The following RYK variants were observed in gnomAD, a reference collection of about 807,000 sequenced individuals.
The protein encoded by RYK is receptor like tyrosine kinase.
Under a neutral mutation model 70.2 loss-of-function variants are expected in RYK, and 21 were observed. The ratio of observed to expected loss-of-function variants is 0.30; its 90% confidence interval spans 0.21 to 0.43. The LOEUF is 0.43. RYK is among the 20% of genes least tolerant of loss of function. The pLI, the probability that RYK is intolerant of heterozygous loss-of-function variation, is 1.00. For missense variants in RYK, 604 were observed against 753.3 expected (o/e 0.80, Z 2.32); for synonymous variants, 267 against 278.0 (o/e 0.96, Z 0.39).
intron 2 of RYK, among the ~76,000 whole-genome samples, chr3:134,221,901 C>G (rs929032061): frequency 6.6e-6 from 1 of 152,142 alleles, no homozygotes; most frequent in Admixed American, 6.5e-5. Flanking sequence ...ACAAGTAGCC[C>G]AGGCAAGAGA....
chr3:134,217,624 G>T (rs7634265), intron 2 of RYK, among the ~76,000 whole-genome samples: 111,434 of 152,094 alleles, frequency 0.73, 41,363 homozygotes, highest in East Asian at 0.99. Flanking sequence ...CAGAAAAGTA[G>T]GTGGTATGTT....
intron 7 of RYK, among the ~76,000 whole-genome samples, chr3:134,192,436 A>G (rs985279908): frequency 3.3e-5 from 5 of 152,048 alleles, no homozygotes; most frequent in African/African-American, 9.7e-5. Context: ...TTTTGTTTGA[A>G]CAAACAAAAA....
chr3:134,192,364 C>T (rs967032581), intron 7 of RYK, among the ~76,000 whole-genome samples: 2 of 151,998 alleles, frequency 1.3e-5, no homozygotes, highest in Admixed American at 1.3e-4. Flanking sequence ...AACACACCAA[C>T]TTTTCAAATG....
intron 1 of RYK, among the ~76,000 whole-genome samples, chr3:134,243,773 A>T (rs1194266229): frequency 1.3e-5 from 2 of 152,124 alleles, no homozygotes; most frequent in Non-Finnish European, 2.9e-5. Flanking sequence ...AAACTCTCTA[A>T]GCCTGTCTCC....
rs575865960 is a variant in RYK, at chr3:134,233,346, C to T, written c.233-10807G>A. On this transcript the variant is annotated intron_variant, in intron 1 of 14. Coordinates refer to ENST00000623711, the MANE Select transcript of RYK (RefSeq NM_002958.4). ...TTATGGAATACATTTGATGTTATAA[C>T]AGAAATGTTTATATTATTTAAAAAT... 3.3e-5 allele frequency among the ~76,000 whole-genome samples: 5 copies of T among 152,192 alleles called. No homozygotes were observed. The East Asian group carries it at 9.6e-4, about 29-fold the overall frequency.
intron 6 of RYK, among the ~76,000 whole-genome samples, chr3:134,196,196 G>A (rs1360910339): frequency 2.0e-5 from 3 of 152,164 alleles, no homozygotes; most frequent in African/African-American, 4.8e-5. Flanking sequence ...TCAGTGGGGA[G>A]AAACCTTGTC....
intron 6 of RYK, among the ~76,000 whole-genome samples, chr3:134,199,959 A>T (rs1328926881): frequency 6.6e-6 from 1 of 150,870 alleles, no homozygotes; most frequent in African/African-American, 2.5e-5. Context: ...GTCTAGCTAA[A>T]GGTTTGTAAA....
At chr3:134,231,587 C>T (rs2015059676) in intron 1 of RYK, among the ~76,000 whole-genome samples, 1 of 152,106 alleles carries the variant, frequency 6.6e-6, no homozygotes, top group African/African-American at 2.4e-5. Flanking sequence ...CCGTCCACCC[C>T]TTATCCCCCT....
At chr3:134,217,039 C>T (rs1256044988) in intron 2 of RYK, among the ~76,000 whole-genome samples, 2 of 152,052 alleles carry the variant, frequency 1.3e-5, no homozygotes, top group African/African-American at 4.8e-5. Flanking sequence ...GTGACCTATG[C>T]GCTAAGAGTA....
intron 13 of RYK, among the ~76,000 whole-genome samples, chr3:134,168,241 T>C (rs1463398995): frequency 6.6e-6 from 1 of 152,194 alleles, no homozygotes; most frequent in Admixed American, 6.5e-5. Flanking sequence ...GAACTAGAAA[T>C]ACCATTTGAC....
intron 13 of RYK, among the ~76,000 whole-genome samples, chr3:134,166,536 C>T (rs2012674310): frequency 6.6e-6 from 1 of 152,170 alleles, no homozygotes; most frequent in Admixed American, 6.5e-5. Flanking sequence ...GAATCTGCCC[C>T]ACGATCTGTG....
chr3:134,161,623 A>C (rs2012474679), intron 13 of RYK, among the ~76,000 whole-genome samples: 1 of 152,222 alleles, frequency 6.6e-6, no homozygotes, highest in Non-Finnish European at 1.5e-5. Flanking sequence ...AAATATTATG[A>C]ACAATCCAAT....
chr3:134,234,507 T>G (rs1252852247), intron 1 of RYK, among the ~76,000 whole-genome samples: 1 of 152,106 alleles, frequency 6.6e-6, no homozygotes, highest in African/African-American at 2.4e-5. Flanking sequence ...ATAAAATTAT[T>G]GGGTTACCCA....
At chr3:134,236,049 C>T (rs1432056631) in intron 1 of RYK, among the ~76,000 whole-genome samples, 3 of 148,692 alleles carry the variant, frequency 2.0e-5, no homozygotes, top group Non-Finnish European at 4.5e-5. Flanking sequence ...CCCGCATGGT[C>T]AAAGGAAAAA....
chr3:134,159,187 A>G, intron 14 of RYK, 50 bp downstream of exon 14: 1 of 1,590,116 alleles, frequency 6.3e-7, no homozygotes, highest in Non-Finnish European at 8.6e-7. Context: ...CCTTTATTCC[A>G]ATATAGTAAA....
At chr3:134,250,374 G>A in intron 1 of RYK, 49 bp downstream of exon 1, 2 of 1,236,172 alleles carry the variant, frequency 1.6e-6, no homozygotes, top group Non-Finnish European at 2.1e-6. Flanking sequence ...GCCGGAAGCT[G>A]CCCCAGCCGG....
At position 134,229,294 on chromosome 3, in the gene RYK, TTCTCTCTC is replaced by T. The variant is rs34305748; in HGVS notation, c.233-6763_233-6756del. Among the ~76,000 whole-genome samples, 73 of 143,890 alleles carry T rather than the reference TTCTCTCTC, an allele frequency of 5.1e-4. 1 individual carries two copies. Among genetic ancestry groups the T allele is most frequent in the African/African-American group, 1.8e-3 (72 of 39,450 alleles). The allele number at this position is 143,890 out of a possible 152,430, so 94.4% of individuals were successfully genotyped here. A position where few individuals can be genotyped will look rare whatever the true frequency, so the allele number is the denominator to read the frequency against. Reference sequence around the variant, plus strand: ...TCCGCCTCGCACTCTCTCTACTGCCTTCTCTCTCTCTCTCTCTCTCTCTTTCTCTTTCC... The same window carrying T: ...TCCGCCTCGCACTCTCTCTACTGCCTTCTCTCTCTCTCTCTTTCTCTTTCC... On this transcript the variant is annotated intron_variant, in intron 1 of 14. Transcript: ENST00000623711.
intron 13 of RYK, 123 bp downstream of exon 13, chr3:134,175,486 G>T: frequency 3.5e-6 from 4 of 1,158,176 alleles, no homozygotes; most frequent in Non-Finnish European, 3.7e-6. Context: ...TTGCTTTCTG[G>T]ATAAAAATTT....
intron 1 of RYK, among the ~76,000 whole-genome samples, chr3:134,236,818 G>A (rs1242362327): frequency 6.6e-6 from 1 of 152,164 alleles, no homozygotes; most frequent in East Asian, 1.9e-4. Context: ...CAAGGGGGCT[G>A]TGCTGGAAAG....
Sources: allele counts gnomAD v4.1 joint callset (sites outside exome capture counted in the v4.1 genomes callset), GRCh38; gene constraint gnomAD v4.1.1; transcripts MANE v1.5; gene names NCBI Gene and HGNC (gene_info 2026-07-23, HGNC 2026-07-21).